TAB1: variants seen among roughly 807,000 people sequenced by gnomAD.
The protein encoded by TAB1 is TGF-beta-activated kinase 1 and MAP3K7-binding protein 1.
Under a neutral mutation model 54.5 loss-of-function variants are expected in TAB1, and 30 were observed. The observed-to-expected ratio is 0.55, with a 90% CI of 0.41 to 0.75. The LOEUF (loss-of-function observed/expected upper bound fraction) is 0.75, where lower values mean the gene tolerates loss of function less well. Among genes scored for constraint, TAB1 ranks in the 30% least tolerant of loss-of-function variants. The pLI is 0.00. For synonymous variants in TAB1, 289 were observed against 286.9 expected (o/e 1.01, Z -0.07); for missense variants, 609 against 683.2 (o/e 0.89, Z 1.21).
intron 1 of TAB1, chr22:39,414,697 T>G: frequency 3.2e-6 from 1 of 310,290 alleles, no homozygotes; most frequent in South Asian, 3.9e-5. Flanking sequence ...CTGCCAAGAG[T>G]CTGCGACATT....
chr22:39,402,941 G>C (rs181807366), intron 1 of TAB1, among the ~76,000 whole-genome samples: 348 of 152,342 alleles, frequency 2.3e-3, no homozygotes, highest in Non-Finnish European at 1.1e-3. Context: ...ACTGGCTTTG[G>C]GCAAATCACT....
At chr22:39,420,997 AGGTGCTGGTGTGTCC>A (rs1381324466) in intron 7 of TAB1, among the ~76,000 whole-genome samples, 4 of 147,458 alleles carry the variant, frequency 2.7e-5, no homozygotes, top group Admixed American at 1.4e-4. Context: ...TGCCCCTCCC[AGGTGCTGGTGTGTCC>A]TGCCCCTCCC....
At chr22:39,405,183 T>C (rs1336042314) in intron 1 of TAB1, among the ~76,000 whole-genome samples, 2 of 152,210 alleles carry the variant, frequency 1.3e-5, no homozygotes, top group Non-Finnish European at 2.9e-5. Context: ...GTGGGTACTT[T>C]GTGAACTATT....
At chr22:39,403,769 G>A (rs1926246849) in intron 1 of TAB1, among the ~76,000 whole-genome samples, 1 of 151,408 alleles carries the variant, frequency 6.6e-6, no homozygotes, top group Non-Finnish European at 1.5e-5. Context: ...CTCCCAAGTA[G>A]CTGGGACTAC....
At chr22:39,402,907 C>T (rs531012176) in intron 1 of TAB1, among the ~76,000 whole-genome samples, 8 of 152,294 alleles carry the variant, frequency 5.3e-5, no homozygotes, top group Admixed American at 2.0e-4. Context: ...ACCTTTCAGC[C>T]GGATAAAACA....
At chr22:39,428,929 C>G (rs1353973172) in intron 10 of TAB1, among the ~76,000 whole-genome samples, 2 of 152,254 alleles carry the variant, frequency 1.3e-5, no homozygotes, top group African/African-American at 2.4e-5. Flanking sequence ...ACTGCTGCCA[C>G]GGGGCTAGAA....
chr22:39,420,220 T>C (rs1927009829), intron 7 of TAB1, among the ~76,000 whole-genome samples: 1 of 152,194 alleles, frequency 6.6e-6, no homozygotes, highest in Non-Finnish European at 1.5e-5. Flanking sequence ...CCTTCTTTTA[T>C]GCATTCCCTA....
intron 1 of TAB1, among the ~76,000 whole-genome samples, chr22:39,400,995 C>T (rs1022977139): frequency 3.5e-5 from 5 of 144,826 alleles, no homozygotes; most frequent in Admixed American, 1.4e-4. Context: ...GATCGGGCCA[C>T]TGCACTCCAG....
chr22:39,426,282 C>T (rs1927331065), intron 8 of TAB1, among the ~76,000 whole-genome samples: 2 of 152,174 alleles, frequency 1.3e-5, no homozygotes, highest in Admixed American at 1.3e-4. Context: ...ATTCTGTATC[C>T]CCAGTTCCTG....
At chr22:39,410,149 C>T (rs1278711481) in intron 1 of TAB1, among the ~76,000 whole-genome samples, 1 of 152,158 alleles carries the variant, frequency 6.6e-6, no homozygotes, top group Non-Finnish European at 1.5e-5. Context: ...ACTCTGTCAT[C>T]CAGGCTGGAG....
Position 39,428,134 on chromosome 22 carries a change from G to C in TAB1, c.1258G>C (p.Gly420Arg). Residue 420 changes from glycine (G) to arginine (R), a missense_variant, in exon 10 of 11, where the codon GGG becomes CGG. By Grantham distance (125) the Gly-to-Arg change is moderately radical. Coordinates refer to ENST00000216160, the MANE Select transcript of TAB1 (RefSeq NM_006116.3). ...VMPSQGQMVN[G>R]AHSASTLDEA... ...GCCCTCCCAGGGCCAGATGGTCAACGGGGCTCACAGTGCTTCCACCCTGGA... is the reference window on the plus strand; with the variant it reads ...GCCCTCCCAGGGCCAGATGGTCAACCGGGCTCACAGTGCTTCCACCCTGGA... 1 of 1,613,558 alleles carries C rather than the reference G, an allele frequency of 6.2e-7. No individual in the cohort carries two copies. Among genetic ancestry groups the C allele is most frequent in the Non-Finnish European group, 8.5e-7 (1 of 1,179,614 alleles).
At chr22:39,400,072 C>T (rs1010982403) in intron 1 of TAB1, among the ~76,000 whole-genome samples, 7 of 152,124 alleles carry the variant, frequency 4.6e-5, no homozygotes, top group Admixed American at 6.5e-5. Context: ...TGCTGCCGGG[C>T]GTCGAGGGCG....
At chr22:39,414,983 G>T (rs779286139) in intron 1 of TAB1, 23 bp from the exon 2 acceptor site, 2 of 1,613,266 alleles carry the variant, frequency 1.2e-6, no homozygotes, top group Non-Finnish European at 1.7e-6. Flanking sequence ...GGCGTCTCAC[G>T]GCTTCCTGGT....
At position 39,408,896 on chromosome 22, in the gene TAB1, A is replaced by G. The variant is rs557901656; in HGVS notation, c.34-6110A>G. On this transcript the variant is annotated intron_variant, in intron 1 of 10. Transcript: ENST00000216160. Reference sequence around the variant, plus strand: ...TGGCTGGGAAACTATGGATTTTTTTAGAAAGATTCAAGTCCTTGGAAGCCT... The same window carrying G: ...TGGCTGGGAAACTATGGATTTTTTTGGAAAGATTCAAGTCCTTGGAAGCCT... 7.9e-5 allele frequency among the ~76,000 whole-genome samples: 12 copies of G among 152,298 alleles called. No individual in the cohort carries two copies. In the South Asian group the frequency reaches 2.1e-3, roughly 26 times the overall value.
At chr22:39,433,132 C>T (rs1331021032), downstream of TAB1, 3 of 985,194 alleles carry the variant, frequency 3.0e-6, no homozygotes, top group African/African-American at 3.5e-5. Flanking sequence ...GCCCATCCCC[C>T]ACCTCCTGCC....
At position 39,415,640 on chromosome 22, in the gene TAB1, G is replaced by A. The variant is rs201220872; in HGVS notation, c.311G>A (p.Arg104His). 4.2e-5 allele frequency: 68 copies of A among 1,609,706 alleles called. No homozygotes were observed. Among genetic ancestry groups the A allele is most frequent in the Admixed American group, 6.7e-5 (4 of 59,996 alleles). The change falls in exon 3 of 11, where the codon CGT (arginine) becomes CAT (histidine). Residue 104 changes from arginine (R) to histidine (H), a missense_variant. Coordinates refer to ENST00000216160, the MANE Select transcript of TAB1 (RefSeq NM_006116.3). This position sits in a 1 kb window ranked among gnomAD's most constrained non-coding sequence, Gnocchi z 4.9. Reference protein sequence around the residue: ...NAEHAEADVRRVLLQAFDVVE... With the variant: ...NAEHAEADVRHVLLQAFDVVE... ...GAGCACGCCGAGGCCGATGTGCGGCGTGTGCTGCTGCAGGTAATGGTGCCG... is the reference window on the plus strand; with the variant it reads ...GAGCACGCCGAGGCCGATGTGCGGCATGTGCTGCTGCAGGTAATGGTGCCG...
chr22:39,411,555 T>C (rs946652032), intron 1 of TAB1, among the ~76,000 whole-genome samples: 1 of 152,182 alleles, frequency 6.6e-6, no homozygotes, highest in Non-Finnish European at 1.5e-5. Flanking sequence ...ACCCACCTCT[T>C]AGAATATCTA....
intron 1 of TAB1, among the ~76,000 whole-genome samples, chr22:39,406,432 T>C (rs940433887): frequency 2.8e-5 from 4 of 145,338 alleles, no homozygotes; most frequent in African/African-American, 1.0e-4. Flanking sequence ...ATCATTTGAG[T>C]GAAAGATAGT....
Position 39,428,767 on chromosome 22 carries a change from A to G in TAB1, c.1307+584A>G, listed in dbSNP as rs569384069. On this transcript the variant is annotated intron_variant, in intron 10 of 10. Coordinates refer to ENST00000216160, the MANE Select transcript of TAB1 (RefSeq NM_006116.3). ...TTTCCACATTCCAGCCCTGCATGGA[A>G]TGATAGAGATGCCACACCCAGCCCA... Among the ~76,000 whole-genome samples the G allele has an allele frequency of 2.0e-5, 3 of 152,264 alleles. No homozygotes were observed. In the South Asian group the frequency reaches 6.2e-4, roughly 32 times the overall value.
Sources: allele counts gnomAD v4.1 joint callset (sites outside exome capture counted in the v4.1 genomes callset), GRCh38; gene constraint gnomAD v4.1.1; non-coding constraint Gnocchi (gnomAD v3.1); transcripts MANE v1.5; gene names NCBI Gene and HGNC (gene_info 2026-07-23, HGNC 2026-07-21).